The following C12orf42 variants were observed in gnomAD, a reference collection of about 807,000 sequenced individuals.
The protein encoded by C12orf42 is chromosome 12 open reading frame 42.
In C12orf42, 25 loss-of-function variants were observed where a neutral mutation model predicts 21.6. That is an observed-to-expected ratio of 1.16 (90% CI 0.84 to 1.62). The LOEUF is 1.62. C12orf42 is among the 40% of genes most tolerant of loss of function. The pLI is 0.00. For missense variants in C12orf42, 483 were observed against 459.3 expected, an observed-to-expected ratio of 1.05 and a Z score of -0.47; for synonymous variants, 174 against 175.0, an observed-to-expected ratio of 0.99 and a Z score of 0.05.
intron 1 of C12orf42, among the ~76,000 whole-genome samples, chr12:103,486,738 T>A (rs890698784): frequency 2.0e-5 from 3 of 152,206 alleles, no homozygotes; most frequent in African/African-American, 7.2e-5. Context: ...ATTTTCTAGC[T>A]TATTTGTGTA....
chr12:103,149,630 T>C, the C12orf42 span, among the ~76,000 whole-genome samples: 1 of 152,120 alleles, frequency 6.6e-6, no homozygotes, highest in Admixed American at 6.5e-5. Context: ...TGAGATCTGA[T>C]GGTTTTATAA....
At chr12:103,163,621 G>GAC in the C12orf42 span, among the ~76,000 whole-genome samples, 3 of 152,010 alleles carry the variant, frequency 2.0e-5, no homozygotes, top group Non-Finnish European at 4.4e-5. Context: ...AAGCAGAGAG[G>GAC]ACCTTCTATG....
At chr12:103,236,791 G>A (rs779659888), downstream of C12orf42, among the ~76,000 whole-genome samples, 3 of 152,042 alleles carry the variant, frequency 2.0e-5, no homozygotes, top group Admixed American at 6.6e-5. Flanking sequence ...AATTTTAAGG[G>A]GGGCTTTCAT....
chr12:103,122,660 T>C, the C12orf42 span, among the ~76,000 whole-genome samples: 2 of 152,080 alleles, frequency 1.3e-5, no homozygotes, highest in Non-Finnish European at 1.5e-5. Flanking sequence ...AGGAGAAATG[T>C]GAGGGCTGAG....
At chr12:103,476,663 A>G (rs1565889455) in intron 2 of C12orf42, among the ~76,000 whole-genome samples, 3 of 152,198 alleles carry the variant, frequency 2.0e-5, no homozygotes, top group Non-Finnish European at 4.4e-5. Context: ...AAAAGAGTAA[A>G]TGTGTACTTT....
At chr12:103,256,193 C>CAT (rs201578668) in intron 10 of C12orf42, among the ~76,000 whole-genome samples, 26,170 of 134,030 alleles carry the variant, frequency 0.2, 2,861 homozygotes, top group Middle Eastern at 0.33. Context: ...TATATATACA[C>CAT]ATATATATAT....
the C12orf42 span, among the ~76,000 whole-genome samples, chr12:103,203,861 C>T: frequency 2.6e-4 from 39 of 152,058 alleles, no homozygotes; most frequent in African/African-American, 9.4e-4. Context: ...AGATGAGCAC[C>T]CAACATTTTA....
At chr12:103,339,929 A>G (rs2042027981) in intron 4 of C12orf42, among the ~76,000 whole-genome samples, 1 of 152,264 alleles carries the variant, frequency 6.6e-6, no homozygotes, top group South Asian at 2.1e-4. Flanking sequence ...TTCCTGAGAA[A>G]GAATAAAAGA....
At chr12:103,391,923 T>C (rs1434803321) in intron 3 of C12orf42, among the ~76,000 whole-genome samples, 1 of 152,204 alleles carries the variant, frequency 6.6e-6, no homozygotes, top group African/African-American at 2.4e-5. Context: ...CATGAATATT[T>C]TGCCTTATGT....
the C12orf42 span, among the ~76,000 whole-genome samples, chr12:103,561,102 C>A: frequency 6.6e-6 from 1 of 152,122 alleles, no homozygotes; most frequent in Non-Finnish European, 1.5e-5. Flanking sequence ...CCTCTCTCCC[C>A]CAGGGTGAAT....
chr12:103,123,380 C>T, the C12orf42 span, among the ~76,000 whole-genome samples: 1 of 151,980 alleles, frequency 6.6e-6, no homozygotes, highest in Non-Finnish European at 1.5e-5. Context: ...AACTCCGTTC[C>T]CAAGATAATT....
At chr12:103,093,557 G>T in the C12orf42 span, among the ~76,000 whole-genome samples, 2 of 152,096 alleles carry the variant, frequency 1.3e-5, no homozygotes, top group Admixed American at 1.3e-4. Context: ...GGAGGGAAAG[G>T]TGAGAGGAAC....
At chr12:103,489,538 A>C (rs1185194747) in intron 1 of C12orf42, among the ~76,000 whole-genome samples, 2 of 152,214 alleles carry the variant, frequency 1.3e-5, no homozygotes, top group Non-Finnish European at 2.9e-5. Flanking sequence ...CCTTTTGTTC[A>C]GCTATGCCCT....
the C12orf42 span, among the ~76,000 whole-genome samples, chr12:103,529,283 C>A: frequency 0.03 from 4,564 of 152,258 alleles, 233 homozygotes; most frequent in African/African-American, 0.1. Flanking sequence ...ATAGTAAATT[C>A]TAATGGAGCC....
the C12orf42 span, among the ~76,000 whole-genome samples, chr12:103,131,775 T>C: frequency 6.6e-6 from 1 of 152,028 alleles, no homozygotes; most frequent in Non-Finnish European, 1.5e-5. Context: ...GGTAATGTTG[T>C]TGGATGATGT....
chr12:103,552,767 C>CA, the C12orf42 span, among the ~76,000 whole-genome samples: 17 of 152,072 alleles, frequency 1.1e-4, no homozygotes, highest in African/African-American at 4.1e-4. Context: ...AAGACATACC[C>CA]AAGACTGAGT....
intron 2 of C12orf42, among the ~76,000 whole-genome samples, chr12:103,471,151 T>C (rs910064885): frequency 6.6e-6 from 1 of 152,224 alleles, no homozygotes; most frequent in African/African-American, 2.4e-5. Context: ...GGGCTACCAG[T>C]GTCCCCATCA....
chr12:103,213,673 C>CA, the C12orf42 span, among the ~76,000 whole-genome samples: 6 of 152,096 alleles, frequency 3.9e-5, no homozygotes, highest in Non-Finnish European at 1.5e-5. Flanking sequence ...CACACGGGTG[C>CA]AAAAAATGAA....
chr12:103,486,030 A>C, intron 1 of C12orf42, among the ~76,000 whole-genome samples: 1 of 152,218 alleles, frequency 6.6e-6, no homozygotes, highest in Middle Eastern at 3.2e-3. Flanking sequence ...GTGGTGACAG[A>C]GAACATCCTT....
Sources: gnomAD v4.1 joint callset for allele counts (sites outside exome capture counted in the v4.1 genomes callset) on GRCh38, gnomAD v4.1.1 for gene constraint, MANE v1.5 for transcripts, NCBI Gene and HGNC (gene_info 2026-07-23, HGNC 2026-07-21) for gene names.